ZNF148: variants seen among roughly 807,000 people sequenced by gnomAD.
ZNF148 encodes zinc finger protein 148.
In ZNF148, 7 loss-of-function variants were observed where a neutral mutation model predicts 67.7. The ratio of observed to expected loss-of-function variants is 0.10; its 90% CI spans 0.06 to 0.19. ZNF148 has a LOEUF of 0.19. Among genes scored for constraint, ZNF148 ranks in the 10% least tolerant of loss-of-function variants. The probability of loss-of-function intolerance (pLI) is 1.00; values close to 1 mark genes in which losing one functional copy is unlikely to be tolerated. For missense variants in ZNF148, 583 were observed against 947.1 expected (o/e 0.62, Z 5.05); for synonymous variants, 333 against 330.7 (o/e 1.01, Z -0.08).
chr3:125,274,998 AAGGAAGAAC>A (rs1169044885), intron 7 of ZNF148, among the ~76,000 whole-genome samples: 1 of 152,224 alleles, frequency 6.6e-6, no homozygotes, highest in Non-Finnish European at 1.5e-5. Flanking sequence ...TAGAAAATGA[AAGGAAGAAC>A]AGTAAGAACA....
chr3:125,299,388 G>C (rs547992512), intron 4 of ZNF148, among the ~76,000 whole-genome samples: 1 of 152,326 alleles, frequency 6.6e-6, no homozygotes, highest in South Asian at 2.1e-4. Flanking sequence ...CTGGAAACCG[G>C]CTGTGGTGAC....
At chr3:125,340,987 CAAAA>C (rs934719609) in intron 1 of ZNF148, among the ~76,000 whole-genome samples, 4 of 12,166 alleles carry the variant, frequency 3.3e-4, no homozygotes, top group African/African-American at 5.4e-4. Flanking sequence ...GACTCCGGCT[CAAAA>C]AAAAAAAAAA....
At chr3:125,297,341 C>G (rs1229496111) in intron 4 of ZNF148, among the ~76,000 whole-genome samples, 1 of 151,956 alleles carries the variant, frequency 6.6e-6, no homozygotes, top group Non-Finnish European at 1.5e-5. Context: ...CATAAAGCCT[C>G]CAAAAGTTAA....
At chr3:125,365,602 A>T (rs1363318637) in intron 1 of ZNF148, among the ~76,000 whole-genome samples, 1 of 152,118 alleles carries the variant, frequency 6.6e-6, no homozygotes, top group African/African-American at 2.4e-5. Context: ...GGATCACTGG[A>T]GCCCAAGAGT....
chr3:125,360,362 T>C (rs1942498556), intron 1 of ZNF148, among the ~76,000 whole-genome samples: 1 of 152,178 alleles, frequency 6.6e-6, no homozygotes, highest in Admixed American at 6.5e-5. Context: ...CATGGCTCAC[T>C]GCAGCCTTGA....
At chr3:125,364,846 G>A (rs1419660756) in intron 1 of ZNF148, among the ~76,000 whole-genome samples, 2 of 152,144 alleles carry the variant, frequency 1.3e-5, no homozygotes, top group African/African-American at 2.4e-5. Flanking sequence ...GAATTTTTGA[G>A]ATAGTCTGCC....
At chr3:125,349,876 G>A (rs1942074884) in intron 1 of ZNF148, among the ~76,000 whole-genome samples, 1 of 152,066 alleles carries the variant, frequency 6.6e-6, no homozygotes. Context: ...GCTACTATTT[G>A]ACCCCACAAT....
chr3:125,239,632 A>G (rs1332210592), intron 7 of ZNF148, among the ~76,000 whole-genome samples: 2 of 152,214 alleles, frequency 1.3e-5, no homozygotes, highest in African/African-American at 4.8e-5. Context: ...AATGTTAAAT[A>G]TGACCCAGCA....
In ZNF148 at chr3:125,255,768, A is replaced by C. The variant is rs185477244; in HGVS notation, c.668-21439T>G. Among the ~76,000 whole-genome samples, 3 of 151,906 alleles carry C rather than the reference A, an allele frequency of 2.0e-5. No individual in the cohort carries two copies. The East Asian group carries it at 5.8e-4, about 29-fold the overall frequency. On this transcript the variant is annotated intron_variant, in intron 7 of 8. Transcript: ENST00000360647. ...TTCAGCATTTTAAAGATGTCATTCC[A>C]TTTTTCTCTGACATTCCATTTTTTT...
intron 7 of ZNF148, among the ~76,000 whole-genome samples, chr3:125,247,532 G>A (rs1360519437): frequency 6.6e-6 from 1 of 152,036 alleles, no homozygotes; most frequent in Non-Finnish European, 1.5e-5. Context: ...TGCCTCCTGA[G>A]GTTCAAGCGA....
chr3:125,370,473 C>T (rs1307530710), intron 1 of ZNF148, among the ~76,000 whole-genome samples: 1 of 152,174 alleles, frequency 6.6e-6, no homozygotes, highest in Non-Finnish European at 1.5e-5. Flanking sequence ...TCCCTAGAGA[C>T]TACAGGAAGT....
intron 4 of ZNF148, among the ~76,000 whole-genome samples, chr3:125,290,376 C>A (rs768746709): frequency 6.6e-6 from 1 of 152,074 alleles, no homozygotes; most frequent in Non-Finnish European, 1.5e-5. Context: ...CTTTATTTTC[C>A]TGACTTTAAA....
Position 125,323,310 on chromosome 3 carries a change from C to T in ZNF148, c.-18G>A, listed in dbSNP as rs1383888041. 1.6e-5 allele frequency: 10 copies of T among 617,002 alleles called. No individual in the cohort carries two copies. The highest frequency in any genetic ancestry group is 3.7e-5 in the African/African-American group (2 of 53,542). 38.2% of individuals were successfully genotyped at this position (617,002 alleles called of 1,614,324 possible). On this transcript the variant is annotated splice_region_variant and 5_prime_UTR_variant, in exon 3 of 9. Transcript: ENST00000360647. ...ATGAAAAATAAGTATTAAAATTACC[C>T]GAGACTAAGGTAAAAACGAAGACTT...
intron 3 of ZNF148, among the ~76,000 whole-genome samples, chr3:125,319,893 TG>T: frequency 6.6e-6 from 1 of 152,308 alleles, no homozygotes; most frequent in South Asian, 2.1e-4. Flanking sequence ...AGGAAGTAGT[TG>T]AACTCTCATT....
At chr3:125,271,031 T>C (rs1395541719) in intron 7 of ZNF148, among the ~76,000 whole-genome samples, 1 of 152,230 alleles carries the variant, frequency 6.6e-6, no homozygotes, top group Non-Finnish European at 1.5e-5. Context: ...TATGAGTAAA[T>C]ATTTTAGCAT....
intron 1 of ZNF148, among the ~76,000 whole-genome samples, chr3:125,350,693 G>GT (rs1362598505): frequency 1.5e-4 from 23 of 152,206 alleles, no homozygotes; most frequent in African/African-American, 5.5e-4. Flanking sequence ...CTAAGAGAAT[G>GT]TAAGAGAATC....
At chr3:125,243,448 T>C (rs902296966) in intron 7 of ZNF148, among the ~76,000 whole-genome samples, 1 of 152,248 alleles carries the variant, frequency 6.6e-6, no homozygotes, top group Non-Finnish European at 1.5e-5. Flanking sequence ...CATCCACTAT[T>C]CTCAAACAAT....
chr3:125,364,248 A>G lies in ZNF148; in HGVS notation c.-234+10854T>C, dbSNP rs535306934. Among the ~76,000 whole-genome samples, 21 of 152,208 alleles carry G rather than the reference A, an allele frequency of 1.4e-4. 1 individual carries two copies. In the South Asian group the frequency reaches 4.4e-3, roughly 32 times the overall value. On this transcript the variant is annotated intron_variant, in intron 1 of 8. Transcript: ENST00000360647. ...ACCCTGTCTCTACTAAAAATGCAAAAATTAGCTGGGCGTGGTGTCACATGC... is the reference window on the plus strand; with the variant it reads ...ACCCTGTCTCTACTAAAAATGCAAAGATTAGCTGGGCGTGGTGTCACATGC...
chr3:125,371,699 A>G (rs934325777), intron 1 of ZNF148, among the ~76,000 whole-genome samples: 2 of 151,828 alleles, frequency 1.3e-5, no homozygotes, highest in African/African-American at 2.4e-5. Context: ...AACCCTAGAA[A>G]AAACATTCAA....
Sources: allele counts gnomAD v4.1 joint callset (sites outside exome capture counted in the v4.1 genomes callset), GRCh38; gene constraint gnomAD v4.1.1; transcripts MANE v1.5; gene names NCBI Gene and HGNC (gene_info 2026-07-23, HGNC 2026-07-21).